TRABD2A: variants seen among roughly 807,000 people sequenced by gnomAD.
TRABD2A encodes TraB domain containing 2A, also known as metalloprotease TIKI1.
TRABD2A carries 43 observed loss-of-function variants against 45.6 expected under a neutral mutation model. The ratio of observed to expected loss-of-function variants is 0.94; its 90% confidence interval spans 0.74 to 1.22. TRABD2A has a LOEUF of 1.22. Among genes scored for constraint, TRABD2A ranks in the 50% most tolerant of loss-of-function variants. The probability of loss-of-function intolerance (pLI) is 0.00; values close to 1 mark genes in which losing one functional copy is unlikely to be tolerated. For missense variants in TRABD2A, 642 were observed against 652.4 expected, an observed-to-expected ratio of 0.98 and a Z score of 0.17; for synonymous variants, 269 against 265.0, an observed-to-expected ratio of 1.02 and a Z score of -0.15.
chr2:84,875,685 G>C (rs1372860124), intron 1 of TRABD2A, among the ~76,000 whole-genome samples: 1 of 152,166 alleles, frequency 6.6e-6, no homozygotes, highest in East Asian at 1.9e-4. Context: ...GGATTGATGG[G>C]AAGTGATCAA....
At chr2:84,879,215 G>T (rs979851667) in intron 1 of TRABD2A, among the ~76,000 whole-genome samples, 1 of 146,060 alleles carries the variant, frequency 6.8e-6, no homozygotes. Flanking sequence ...ATAGGGTCTC[G>T]CTCTTTCACC....
At chr2:84,861,237 C>A (rs1682487672) in intron 2 of TRABD2A, among the ~76,000 whole-genome samples, 1 of 152,086 alleles carries the variant, frequency 6.6e-6, no homozygotes. Flanking sequence ...AAGCACATGA[C>A]ATTTATTGTG....
intron 2 of TRABD2A, among the ~76,000 whole-genome samples, chr2:84,864,668 AC>A (rs996797756): frequency 2.6e-5 from 4 of 151,410 alleles, no homozygotes; most frequent in Admixed American, 1.3e-4. Flanking sequence ...CTGCTGGCTG[AC>A]CCCCCACAAT....
intron 1 of TRABD2A, among the ~76,000 whole-genome samples, chr2:84,880,423 C>T (rs1683160196): frequency 6.6e-6 from 1 of 152,158 alleles, no homozygotes; most frequent in Admixed American, 6.5e-5. Flanking sequence ...TTTCCCAGAT[C>T]GGTAAAAACA....
At chr2:84,860,116 A>G (rs1006796247) in intron 2 of TRABD2A, among the ~76,000 whole-genome samples, 11 of 152,132 alleles carry the variant, frequency 7.2e-5, no homozygotes, top group Non-Finnish European at 1.6e-4. Flanking sequence ...CTTCTACAGA[A>G]TGTTTTCACT....
intron 3 of TRABD2A, 23 bp downstream of exon 3, chr2:84,841,838 T>C (rs1681720538): frequency 1.3e-6 from 2 of 1,497,098 alleles, no homozygotes; most frequent in Non-Finnish European, 1.8e-6. Context: ...GTGCTGAGCT[T>C]GGCAGGGGGA....
chr2:84,870,450 G>A lies in TRABD2A; in HGVS notation c.444C>T (p.Tyr148=), dbSNP rs371560834. 99 of 1,614,042 alleles carry A rather than the reference G, an allele frequency of 6.1e-5. No individual in the cohort carries two copies. The highest frequency in any genetic ancestry group is 2.5e-4 in the East Asian group (11 of 44,890). The change falls in exon 2 of 7, where the codon TAC becomes TAT. Residue 148 remains tyrosine, a synonymous_variant. Coordinates refer to ENST00000409520, the MANE Select transcript of TRABD2A (RefSeq NM_001277053.2). ...MTPDQRGKGL[Y]ADYLFNAIAG... Reference sequence around the variant, plus strand: ...CAATAGCATTGAAGAGGTAGTCTGCGTAGAGCCCCTTGCCGCGCTGGTCTG... The same window carrying A: ...CAATAGCATTGAAGAGGTAGTCTGCATAGAGCCCCTTGCCGCGCTGGTCTG...
At chr2:84,855,542 C>T (rs79005011) in intron 2 of TRABD2A, among the ~76,000 whole-genome samples, 6,925 of 152,218 alleles carry the variant, frequency 0.045, 555 homozygotes, top group African/African-American at 0.16. Context: ...ACCTGCACTG[C>T]CTTCTGAACG....
rs763525706 is a variant in TRABD2A at position 84,839,195 on chromosome 2, A to T, written c.945T>A (p.Leu315=). 1 of 1,613,874 alleles carries T rather than the reference A, an allele frequency of 6.2e-7. No homozygotes were observed. The highest frequency in any genetic ancestry group is 8.5e-7 in the Non-Finnish European group (1 of 1,179,868). Residue 315 remains leucine (L), a synonymous_variant, in exon 4 of 7, where the codon CTT becomes CTA. Coordinates refer to ENST00000409520, the MANE Select transcript of TRABD2A (RefSeq NM_001277053.2). ...NERIGKRVKA[L]LEEFPDKGFF... is the part of the protein sequence containing the mutation. ...AGCCTTTGTCAGGGAACTCCTCCAAAAGGGCCTTCACCCGCTTCCCTATTC... is the reference window on the plus strand; with the variant it reads ...AGCCTTTGTCAGGGAACTCCTCCAATAGGGCCTTCACCCGCTTCCCTATTC...
intron 2 of TRABD2A, among the ~76,000 whole-genome samples, chr2:84,857,589 AT>A (rs1235426551): frequency 6.6e-6 from 1 of 152,216 alleles, no homozygotes; most frequent in Non-Finnish European, 1.5e-5. Flanking sequence ...ATTTTCTGCA[AT>A]ATCCATGATC....
Position 84,829,610 on chromosome 2 carries a change from ACAC to A in TRABD2A, c.1082+2442_1082+2444del, listed in dbSNP as rs980613684. 2.7e-4 allele frequency among the ~76,000 whole-genome samples: 37 copies of A among 138,392 alleles called. No homozygotes were observed. The East Asian group carries it at 4.7e-3, about 17-fold the overall frequency. 90.8% of individuals were successfully genotyped at this position (138,392 alleles called of 152,430 possible). A position where few individuals can be genotyped will look rare whatever the true frequency, so the allele number is the denominator to read the frequency against. ...TACACACACAACACACGTACCACAC[ACAC>A]CACAACACAACGCAAACCCCACACG... On this transcript the variant is annotated intron_variant, in intron 5 of 6. Transcript: ENST00000409520.
At chr2:84,848,375 T>TAGATAGATAGATAGACAGAC (rs1315427907) in intron 2 of TRABD2A, among the ~76,000 whole-genome samples, 5 of 80,560 alleles carry the variant, frequency 6.2e-5, no homozygotes, top group Non-Finnish European at 1.3e-4. Flanking sequence ...GATAGATAGA[T>TAGATAGATAGATAGACAGAC]AGACAGACAG....
chr2:84,843,690 A>G (rs1681788171), intron 2 of TRABD2A: 1 of 152,058 alleles, frequency 6.6e-6, no homozygotes, highest in African/African-American at 2.4e-5. Flanking sequence ...GCTGCATGAC[A>G]CCTCTTTTAT....
At chr2:84,873,763 C>G (rs536244063) in intron 1 of TRABD2A, among the ~76,000 whole-genome samples, 5 of 152,150 alleles carry the variant, frequency 3.3e-5, no homozygotes, top group South Asian at 2.1e-4. Context: ...GTAGAGGCAG[C>G]CTTCGAAGAG....
At chr2:84,872,523 G>A (rs1002105526) in intron 1 of TRABD2A, among the ~76,000 whole-genome samples, 22 of 151,834 alleles carry the variant, frequency 1.4e-4, no homozygotes, top group African/African-American at 5.3e-4. Flanking sequence ...AAGAGAGAGA[G>A]AAGGAAGGAC....
intron 5 of TRABD2A, among the ~76,000 whole-genome samples, chr2:84,824,954 T>C (rs1301668250): frequency 2.0e-5 from 3 of 152,234 alleles, no homozygotes; most frequent in African/African-American, 7.2e-5. Context: ...TAAAGGTGAC[T>C]ATAGTCACCA....
chr2:84,872,363 G>A (rs927042171), intron 1 of TRABD2A, among the ~76,000 whole-genome samples: 9 of 152,062 alleles, frequency 5.9e-5, no homozygotes, highest in Non-Finnish European at 8.8e-5. Flanking sequence ...ACCAAAATTA[G>A]TCGGGCATGG....
chr2:84,851,800 G>A lies in TRABD2A; in HGVS notation c.670-9793C>T, dbSNP rs547156574. 3.3e-5 allele frequency among the ~76,000 whole-genome samples: 5 copies of A among 152,360 alleles called. No individual in the cohort carries two copies. The East Asian group carries it at 5.8e-4, about 18-fold the overall frequency. ...CCCTGGGGAACTGTAATGGTGCTCTGCTGGTACTGGGGCTGTTCAGTCAAA... is the reference window on the plus strand; with the variant it reads ...CCCTGGGGAACTGTAATGGTGCTCTACTGGTACTGGGGCTGTTCAGTCAAA... On this transcript the variant is annotated intron_variant, in intron 2 of 6. Coordinates refer to ENST00000409520, the MANE Select transcript of TRABD2A (RefSeq NM_001277053.2).
At position 84,870,243 on chromosome 2, in the gene TRABD2A, A is replaced by C. The variant is rs748671507; in HGVS notation, c.651T>G (p.Asn217Lys). Reference protein sequence around the residue: ...EKVEEQCHPLNGLNFSQVIFA... With the variant: ...EKVEEQCHPLKGLNFSQVIFA... ...GTCTTACCTGTGAAAAGTTCAACCCATTCAATGGATGGCACTGCTCTTCCA... is the reference window on the plus strand; with the variant it reads ...GTCTTACCTGTGAAAAGTTCAACCCCTTCAATGGATGGCACTGCTCTTCCA... Residue 217 changes from asparagine to lysine, a missense_variant, in exon 2 of 7, where the codon AAT (asparagine) becomes AAG (lysine). Transcript: ENST00000409520. The C allele has an allele frequency of 5.0e-6, 8 of 1,611,918 alleles. No homozygotes were observed. The African/African-American group carries it at 9.3e-5, about 19-fold the overall frequency.
Sources: allele counts gnomAD v4.1 joint callset (sites outside exome capture counted in the v4.1 genomes callset), GRCh38; gene constraint gnomAD v4.1.1; transcripts MANE v1.5; gene names NCBI Gene and HGNC (gene_info 2026-07-23, HGNC 2026-07-21).